CNTLN: variants seen among roughly 807,000 people sequenced by gnomAD.
CNTLN encodes the protein centlein, centrosomal protein.
Under a neutral mutation model 180.0 loss-of-function variants are expected in CNTLN, and 212 were observed. The ratio of observed to expected loss-of-function variants is 1.18; its 90% CI spans 1.05 to 1.32. The LOEUF (loss-of-function observed/expected upper bound fraction) is 1.32, where lower values mean the gene tolerates loss of function less well. CNTLN is among the 40% of genes most tolerant of loss of function. CNTLN has a pLI of 0.00. For synonymous variants in CNTLN, 722 were observed against 563.1 expected (o/e 1.28, Z -3.99); for missense variants, 2,095 against 1,610.9 (o/e 1.30, Z -5.14).
chr9:17,340,891 A>G lies in CNTLN; in HGVS notation c.1709A>G (p.Gln570Arg), dbSNP rs752938914. 4.3e-6 allele frequency: 7 copies of G among 1,612,460 alleles called. No homozygotes were observed. The East Asian group carries it at 1.3e-4, about 31-fold the overall frequency. The change falls in exon 11 of 26, where the codon CAG becomes CGG. Residue 570 changes from glutamine to arginine, a missense_variant. Gln to Arg is a conservative substitution (Grantham distance 43). Coordinates refer to ENST00000380647, the MANE Select transcript of CNTLN (RefSeq NM_017738.4). ...CGCAAGGAACGGCTACAGATGTTAC[A>G]GACCAACTACAGAGCAGTAAAAGAG... Reference protein sequence around the residue: ...EKRKERLQMLQTNYRAVKEQL... With the variant: ...EKRKERLQMLRTNYRAVKEQL...
At chr9:17,416,222 A>G in intron 18 of CNTLN, 33 bp downstream of exon 18, 1 of 1,496,298 alleles carries the variant, frequency 6.7e-7, no homozygotes, top group Non-Finnish European at 9.2e-7. Context: ...ACAGTAGTAT[A>G]CTATATTGTA....
intron 8 of CNTLN, among the ~76,000 whole-genome samples, chr9:17,310,870 A>G (rs778744398): frequency 2.6e-5 from 4 of 151,886 alleles, no homozygotes; most frequent in Non-Finnish European, 5.9e-5. Context: ...TTTTTGTTCA[A>G]TCTTCTATTG....
At chr9:17,182,067 A>C (rs909815877) in intron 2 of CNTLN, among the ~76,000 whole-genome samples, 6 of 152,120 alleles carry the variant, frequency 3.9e-5, no homozygotes, top group Non-Finnish European at 7.4e-5. Flanking sequence ...TTCTGGCAGC[A>C]ATTAGGGAGG....
At chr9:17,178,905 C>T (rs889037138) in intron 2 of CNTLN, among the ~76,000 whole-genome samples, 4 of 152,094 alleles carry the variant, frequency 2.6e-5, no homozygotes, top group Admixed American at 1.3e-4. Context: ...GCGCCGAGAG[C>T]GAGGGAGGGC....
intron 2 of CNTLN, among the ~76,000 whole-genome samples, chr9:17,153,598 A>C (rs994490058): frequency 2.0e-5 from 3 of 151,776 alleles, no homozygotes; most frequent in Non-Finnish European, 4.4e-5. Context: ...TTTTTCTTTC[A>C]TTTCAACCTT....
At chr9:17,354,333 G>A (rs182438752) in intron 12 of CNTLN, among the ~76,000 whole-genome samples, 1 of 152,176 alleles carries the variant, frequency 6.6e-6, no homozygotes, top group Non-Finnish European at 1.5e-5. Flanking sequence ...GCACGGCACC[G>A]GGACTGGCAG....
chr9:17,305,024 A>G (rs1032379657), intron 7 of CNTLN, among the ~76,000 whole-genome samples: 1 of 152,178 alleles, frequency 6.6e-6, no homozygotes, highest in African/African-American at 2.4e-5. Flanking sequence ...ATCAGTGGAT[A>G]ACAGAGCATA....
intron 25 of CNTLN, among the ~76,000 whole-genome samples, chr9:17,492,733 G>A (rs1026560722): frequency 6.6e-6 from 1 of 152,038 alleles, no homozygotes; most frequent in Non-Finnish European, 1.5e-5. Context: ...TTCTGCCTTG[G>A]GGTATATCTC....
chr9:17,148,728 C>G (rs1475819298), intron 2 of CNTLN, among the ~76,000 whole-genome samples: 1 of 152,216 alleles, frequency 6.6e-6, no homozygotes, highest in Non-Finnish European at 1.5e-5. Context: ...TATTTGACAT[C>G]AGTTGGAAAC....
intron 6 of CNTLN, among the ~76,000 whole-genome samples, chr9:17,285,466 C>G (rs982870132): frequency 2.7e-5 from 4 of 146,232 alleles, no homozygotes; most frequent in Non-Finnish European, 4.5e-5. Context: ...AATAAACATA[C>G]GTGTGCATGT....
rs141168032 is a variant in CNTLN, at chr9:17,135,275, G to T, written c.210G>T (p.Gly70=). The change falls in exon 1 of 26, where the codon GGG becomes GGT. Residue 70 remains glycine (G), a synonymous_variant. Coordinates refer to ENST00000380647, the MANE Select transcript of CNTLN (RefSeq NM_017738.4). ...GGTCAGGGGGCCGGCGAGGGCCTGG[G>T]GGGGCAGCTCCGGCTCATGCTCCCC... ...EEGSGGRRGP[G]GAAPAHAPLL... 1,649 of 1,602,358 alleles carry T rather than the reference G, an allele frequency of 1.0e-3. 31 individuals carry two copies. In the East Asian group the frequency reaches 0.032, roughly 31 times the overall value.
At chr9:17,500,258 G>T (rs1227430148) in intron 25 of CNTLN, among the ~76,000 whole-genome samples, 1 of 152,096 alleles carries the variant, frequency 6.6e-6, no homozygotes, top group Non-Finnish European at 1.5e-5. Context: ...AAAGGGAGTT[G>T]GTAATAAATT....
intron 2 of CNTLN, among the ~76,000 whole-genome samples, chr9:17,174,745 G>A (rs1820618195): frequency 6.6e-6 from 1 of 151,654 alleles, no homozygotes; most frequent in Non-Finnish European, 1.5e-5. Flanking sequence ...TTGTCAGAGT[G>A]TCTATACCAT....
chr9:17,329,786 GT>G (rs1217182168), intron 8 of CNTLN, among the ~76,000 whole-genome samples: 1 of 151,360 alleles, frequency 6.6e-6, no homozygotes, highest in Non-Finnish European at 1.5e-5. Context: ...CCCTTCATCA[GT>G]TTAAGTGCAA....
At chr9:17,301,065 TA>T (rs1818310109) in intron 7 of CNTLN, 1 of 985,286 alleles carries the variant, frequency 1.0e-6, no homozygotes, top group Non-Finnish European at 1.2e-6. Context: ...GTTCCAAGAC[TA>T]AGGATAAAGA....
intron 18 of CNTLN, among the ~76,000 whole-genome samples, chr9:17,417,102 A>G (rs1465913007): frequency 6.6e-6 from 1 of 152,170 alleles, no homozygotes; most frequent in Non-Finnish European, 1.5e-5. Flanking sequence ...AACTTACACC[A>G]GAAGTTTCTG....
At chr9:17,520,275 C>A in the CNTLN span, among the ~76,000 whole-genome samples, 1 of 152,174 alleles carries the variant, frequency 6.6e-6, no homozygotes, top group Non-Finnish European at 1.5e-5. Flanking sequence ...GAAAACAGAG[C>A]CACTGCAAGT....
intron 2 of CNTLN, among the ~76,000 whole-genome samples, chr9:17,212,948 C>T (rs545951524): frequency 6.6e-6 from 1 of 152,046 alleles, no homozygotes; most frequent in East Asian, 1.9e-4. Flanking sequence ...TCTCTCTTTT[C>T]TTCTTTATTA....
chr9:17,203,159 T>C (rs1467752113), intron 2 of CNTLN, among the ~76,000 whole-genome samples: 1 of 152,190 alleles, frequency 6.6e-6, no homozygotes, highest in African/African-American at 2.4e-5. Flanking sequence ...TGTTGAATAT[T>C]GGTCTTCACT....
Sources: allele counts gnomAD v4.1 joint callset (sites outside exome capture counted in the v4.1 genomes callset), GRCh38; gene constraint gnomAD v4.1.1; transcripts MANE v1.5; gene names NCBI Gene and HGNC (gene_info 2026-07-23, HGNC 2026-07-21).